GULP1: variants seen among roughly 807,000 people sequenced by gnomAD.
GULP1 encodes the protein GULP PTB domain containing engulfment adaptor 1, also known as PTB domain-containing engulfment adapter protein 1.
GULP1 carries 19 observed loss-of-function variants against 40.9 expected under a neutral mutation model. That is an observed-to-expected ratio of 0.46 (90% CI 0.32 to 0.68). The LOEUF is 0.68. GULP1 is among the 30% of genes least tolerant of loss of function. The probability of loss-of-function intolerance (pLI) is 0.03; values close to 1 mark genes in which losing one functional copy is unlikely to be tolerated. For missense variants in GULP1, 312 were observed against 362.2 expected (o/e 0.86, Z 1.12); for synonymous variants, 119 against 117.6 (o/e 1.01, Z -0.08).
chr2:188,393,991 G>T (rs565535645), intron 2 of GULP1, among the ~76,000 whole-genome samples: 2 of 152,218 alleles, frequency 1.3e-5, no homozygotes, highest in South Asian at 2.1e-4. Context: ...AGCCTGATAT[G>T]TGTATGCCTT....
At chr2:188,556,419 T>C (rs1694780309) in intron 7 of GULP1, among the ~76,000 whole-genome samples, 1 of 152,178 alleles carries the variant, frequency 6.6e-6, no homozygotes, top group Non-Finnish European at 1.5e-5. Context: ...CTCTTCAGTA[T>C]TTTTCTCATT....
Position 188,292,799 on chromosome 2 carries a change from AC to A in GULP1, c.-172+636del, listed in dbSNP as rs1197150182. ...AGGAAGGGGCGGCGTCCACATGGTT[AC>A]CCTTCTGCTGCGCGGGTCAAGTAGC... On this transcript the variant is annotated intron_variant, in intron 1 of 11. Coordinates refer to ENST00000409830, the MANE Select transcript of GULP1 (RefSeq NM_016315.4). The surrounding 1 kb of genome is among the most constrained non-coding windows in gnomAD (Gnocchi z 4.0). The A allele has an allele frequency of 6.6e-6, 1 of 151,762 alleles. No homozygotes were observed. The highest frequency in any genetic ancestry group is 1.5e-5 in the Non-Finnish European group (1 of 68,258). 9.4% of individuals were successfully genotyped at this position (151,762 alleles called of 1,614,324 possible). A position where few individuals can be genotyped will look rare whatever the true frequency, so the allele number is the denominator to read the frequency against.
intron 1 of GULP1, among the ~76,000 whole-genome samples, chr2:188,335,494 T>G (rs1458375386): frequency 1.3e-5 from 2 of 152,162 alleles, no homozygotes; most frequent in Non-Finnish European, 2.9e-5. Context: ...TAAAAAGCCC[T>G]TGCTAATTAT....
intron 3 of GULP1, among the ~76,000 whole-genome samples, chr2:188,480,320 T>C (rs2061348561): frequency 6.6e-6 from 1 of 152,008 alleles, no homozygotes; most frequent in Non-Finnish European, 1.5e-5. Flanking sequence ...AGCAAGGTGG[T>C]CTTCTATCAG....
intron 7 of GULP1, among the ~76,000 whole-genome samples, chr2:188,565,974 A>T (rs750137172): frequency 6.6e-6 from 1 of 152,168 alleles, no homozygotes; most frequent in Non-Finnish European, 1.5e-5. Context: ...GGCAAAACTG[A>T]TTTATAATGA....
chr2:188,390,322 G>A (rs544486609), intron 2 of GULP1, among the ~76,000 whole-genome samples: 3 of 152,134 alleles, frequency 2.0e-5, no homozygotes, highest in Non-Finnish European at 4.4e-5. Context: ...ATTCTTGCAG[G>A]GCATCTCATT....
At chr2:188,335,173 G>A (rs1041187502) in intron 1 of GULP1, among the ~76,000 whole-genome samples, 1 of 152,150 alleles carries the variant, frequency 6.6e-6, no homozygotes, top group Non-Finnish European at 1.5e-5. Flanking sequence ...GACTAGAAAG[G>A]TAATATAATA....
intron 4 of GULP1, among the ~76,000 whole-genome samples, chr2:188,507,607 A>G (rs186623915): frequency 4.1e-4 from 63 of 152,028 alleles, no homozygotes; most frequent in African/African-American, 1.5e-3. Flanking sequence ...AATCAAATTA[A>G]TCTCAGAATT....
chr2:188,464,141 G>A (rs979263665), intron 2 of GULP1, among the ~76,000 whole-genome samples: 3 of 152,088 alleles, frequency 2.0e-5, no homozygotes, highest in African/African-American at 7.2e-5. Context: ...GAGCTTGTTT[G>A]TATGCATCCT....
chr2:188,581,995 T>C (rs1049310480), intron 9 of GULP1, among the ~76,000 whole-genome samples: 2 of 152,190 alleles, frequency 1.3e-5, no homozygotes, highest in African/African-American at 4.8e-5. Context: ...ATCCTTCCTT[T>C]TTCCATTTCA....
chr2:188,403,238 C>T (rs1245950968), intron 2 of GULP1, among the ~76,000 whole-genome samples: 3 of 152,012 alleles, frequency 2.0e-5, no homozygotes, highest in East Asian at 1.9e-4. Flanking sequence ...TCCTAATACT[C>T]GTTTTATAGT....
chr2:188,485,581 T>C (rs1323619610), intron 4 of GULP1, among the ~76,000 whole-genome samples: 1 of 151,726 alleles, frequency 6.6e-6, no homozygotes, highest in Non-Finnish European at 1.5e-5. Context: ...ACCAAATCCT[T>C]GACCACAGAA....
chr2:188,515,047 T>C (rs950284958), intron 4 of GULP1, among the ~76,000 whole-genome samples: 2 of 152,196 alleles, frequency 1.3e-5, no homozygotes, highest in African/African-American at 2.4e-5. Context: ...TTAGTATTCA[T>C]TTCTCTGAGG....
At chr2:188,571,750 C>T (rs775279981) in intron 9 of GULP1, among the ~76,000 whole-genome samples, 4 of 152,008 alleles carry the variant, frequency 2.6e-5, no homozygotes, top group Admixed American at 6.6e-5. Context: ...AGCCATGTTG[C>T]GAAATATGCT....
chr2:188,301,883 GA>G (rs1195598168), intron 1 of GULP1, among the ~76,000 whole-genome samples: 1 of 152,094 alleles, frequency 6.6e-6, no homozygotes, highest in Non-Finnish European at 1.5e-5. Flanking sequence ...TAAAATGGCA[GA>G]AAAAATATAA....
At chr2:188,320,933 C>T (rs564164652) in intron 1 of GULP1, among the ~76,000 whole-genome samples, 1 of 150,472 alleles carries the variant, frequency 6.6e-6, no homozygotes, top group Non-Finnish European at 1.5e-5. Context: ...AAAACACCTA[C>T]AAAAGGAAAA....
At chr2:188,429,790 G>C (rs2056650408) in intron 2 of GULP1, among the ~76,000 whole-genome samples, 1 of 151,538 alleles carries the variant, frequency 6.6e-6, no homozygotes, top group African/African-American at 2.4e-5. Flanking sequence ...CTCATTGCAA[G>C]CTCCGCCTCC....
chr2:188,531,199 A>G (rs1298941825), intron 6 of GULP1, among the ~76,000 whole-genome samples: 1 of 152,218 alleles, frequency 6.6e-6, no homozygotes, highest in East Asian at 1.9e-4. Context: ...ATTTGCAATT[A>G]AAGAAGAAAC....
chr2:188,536,570 T>C (rs1460057235), intron 6 of GULP1, among the ~76,000 whole-genome samples: 2 of 152,182 alleles, frequency 1.3e-5, no homozygotes, highest in African/African-American at 4.8e-5. Flanking sequence ...ACCAGTACCA[T>C]GCTTTTTTGG....
Sources: allele counts gnomAD v4.1 joint callset (sites outside exome capture counted in the v4.1 genomes callset), GRCh38; gene constraint gnomAD v4.1.1; non-coding constraint Gnocchi (gnomAD v3.1); transcripts MANE v1.5; gene names NCBI Gene and HGNC (gene_info 2026-07-23, HGNC 2026-07-21).